Variants in TIMP3 observed in about 807,000 individuals in gnomAD.
The protein encoded by TIMP3 is metalloproteinase inhibitor 3.
A neutral mutation model predicts 30.0 loss-of-function variants in TIMP3; 11 were observed. The ratio of observed to expected loss-of-function variants is 0.37; its 90% CI spans 0.23 to 0.61. The LOEUF (loss-of-function observed/expected upper bound fraction) is 0.61. Among genes scored for constraint, TIMP3 ranks in the 20% least tolerant of loss-of-function variants. The pLI is 0.70. For missense variants in TIMP3, 181 were observed against 276.8 expected (o/e 0.65, Z 2.45); for synonymous variants, 112 against 111.3 (o/e 1.01, Z -0.04).
At chr22:32,851,478 A>ACACT (rs1294271189) in intron 2 of TIMP3, among the ~76,000 whole-genome samples, 1 of 152,066 alleles carries the variant, frequency 6.6e-6, no homozygotes, top group Non-Finnish European at 1.5e-5. Context: ...TCAGCATCAG[A>ACACT]CACTCCCACT....
At chr22:32,819,673 A>G (rs1186583821) in intron 1 of TIMP3, among the ~76,000 whole-genome samples, 2 of 152,128 alleles carry the variant, frequency 1.3e-5, no homozygotes, top group Non-Finnish European at 2.9e-5. Context: ...CTGGACAATC[A>G]AGGACCTGGA....
intron 1 of TIMP3, among the ~76,000 whole-genome samples, chr22:32,835,087 CCTATA>C (rs2047691270): frequency 6.6e-6 from 1 of 152,156 alleles, no homozygotes; most frequent in Non-Finnish European, 1.5e-5. Flanking sequence ...TGATCAAAAC[CCTATA>C]CATTCTTCTG....
At chr22:32,853,284 C>T (rs12165359) in intron 2 of TIMP3, among the ~76,000 whole-genome samples, 8,237 of 152,226 alleles carry the variant, frequency 0.054, 271 homozygotes, top group Middle Eastern at 0.085. Flanking sequence ...AGACAAATTG[C>T]TGTATAGAGA....
At chr22:32,844,707 TCTTC>T (rs1285586377) in intron 1 of TIMP3, among the ~76,000 whole-genome samples, 5 of 151,788 alleles carry the variant, frequency 3.3e-5, no homozygotes, top group Admixed American at 3.3e-4. Context: ...TGTTTCTTCT[TCTTC>T]CTTTTTTTTT....
At chr22:32,840,240 C>A (rs935644574) in intron 1 of TIMP3, among the ~76,000 whole-genome samples, 5 of 152,266 alleles carry the variant, frequency 3.3e-5, no homozygotes, top group Admixed American at 2.6e-4. Context: ...GCCAAAAAAA[C>A]CTGCTTAAAT....
chr22:32,842,632 A>G (rs1360673203), intron 1 of TIMP3, among the ~76,000 whole-genome samples: 1 of 152,244 alleles, frequency 6.6e-6, no homozygotes, highest in African/African-American at 2.4e-5. Flanking sequence ...GTACCTTTGT[A>G]CATATACATT....
chr22:32,815,997 C>T (rs1308200791), intron 1 of TIMP3, among the ~76,000 whole-genome samples: 2 of 152,162 alleles, frequency 1.3e-5, no homozygotes, highest in Non-Finnish European at 2.9e-5. Flanking sequence ...AGGAACAGAA[C>T]AGGGAGGTTT....
chr22:32,832,495 C>A (rs2047603122), intron 1 of TIMP3, among the ~76,000 whole-genome samples: 3 of 150,660 alleles, frequency 2.0e-5, no homozygotes, highest in Admixed American at 2.0e-4. Context: ...AATTCCTGGC[C>A]CAGGGCTCTT....
chr22:32,852,199 A>G (rs2048237431), intron 2 of TIMP3, among the ~76,000 whole-genome samples: 1 of 152,244 alleles, frequency 6.6e-6, no homozygotes. Flanking sequence ...TGTTAAGATT[A>G]TATGGCCACA....
In TIMP3 at chr22:32,826,449, TAAAC is replaced by T. The variant is rs536301832; in HGVS notation, c.122-22999_122-22996del. On this transcript the variant is annotated intron_variant, in intron 1 of 4. Coordinates refer to ENST00000266085, the MANE Select transcript of TIMP3 (RefSeq NM_000362.5). ...TCTCAAAAATAAATAAATAAATAAA[TAAAC>T]AAAATTTAAAAAGGTAATAATGTAA... is the stretch of plus-strand genomic sequence containing the variant. Among the ~76,000 whole-genome samples, 1,234 of 151,792 alleles carry T rather than the reference TAAAC, an allele frequency of 8.1e-3. 9 individuals carry two copies. The highest frequency in any genetic ancestry group is 0.012 in the Non-Finnish European group (784 of 67,916).
rs1433600497 is a variant in TIMP3, at chr22:32,861,469, C to A, written c.*2092C>A. The stretch of plus-strand genomic sequence containing the variant: ...TGTTTTGGGATTGTCCTTATTTTAA[C>A]CTCAAGGTCTCGCATGGTGGGGCCC... On this transcript the variant is annotated 3_prime_UTR_variant, in exon 5 of 5. Coordinates refer to ENST00000266085, the MANE Select transcript of TIMP3 (RefSeq NM_000362.5). 1 of 152,216 alleles carries A rather than the reference C, an allele frequency of 6.6e-6. No homozygotes were observed. Among genetic ancestry groups the A allele is most frequent in the African/African-American group, 2.4e-5 (1 of 41,454 alleles). The allele number at this position is 152,216 out of a possible 1,614,324, so 9.4% of individuals were successfully genotyped here. A position where few individuals can be genotyped will look rare whatever the true frequency, so the allele number is the denominator to read the frequency against.
intron 1 of TIMP3, among the ~76,000 whole-genome samples, chr22:32,805,532 A>G (rs553040785): frequency 4.9e-4 from 74 of 152,252 alleles, no homozygotes; most frequent in African/African-American, 1.8e-3. Context: ...CCATGGAAGG[A>G]GGAGAGCTGC....
Position 32,860,209 on chromosome 22 carries a change from A to T in TIMP3, c.*832A>T, listed in dbSNP as rs2048497374. On this transcript the variant is annotated 3_prime_UTR_variant, in exon 5 of 5. Coordinates refer to ENST00000266085, the MANE Select transcript of TIMP3 (RefSeq NM_000362.5). ...AATGTCTTTCCTCTCCCTGCCTCCC[A>T]CCAGACTTCCTCCTGGAAAACGCTT... is the stretch of plus-strand genomic sequence containing the variant. The T allele has an allele frequency of 6.6e-6, 1 of 152,240 alleles. No homozygotes were observed. Among genetic ancestry groups the T allele is most frequent in the Non-Finnish European group, 1.5e-5 (1 of 68,034 alleles). 9.4% of individuals were successfully genotyped at this position (152,240 alleles called of 1,614,324 possible).
intron 1 of TIMP3, among the ~76,000 whole-genome samples, chr22:32,823,167 T>TTC (rs2047301959): frequency 6.6e-6 from 1 of 152,218 alleles, no homozygotes; most frequent in Admixed American, 6.5e-5. Flanking sequence ...CTTTTGGGTC[T>TTC]AGAGCATCAT....
intron 1 of TIMP3, among the ~76,000 whole-genome samples, chr22:32,842,199 T>C (rs1194918676): frequency 2.0e-5 from 3 of 152,198 alleles, no homozygotes; most frequent in African/African-American, 7.2e-5. Context: ...ATGCCTGTTT[T>C]TCATTCCAGT....
At chr22:32,857,443 T>C (rs1257986237) in intron 3 of TIMP3, 83 bp downstream of exon 3, 7 of 1,018,394 alleles carry the variant, frequency 6.9e-6, no homozygotes, top group East Asian at 2.4e-5. Flanking sequence ...TACGGAGTAG[T>C]TGACTCACCA....
intron 1 of TIMP3, among the ~76,000 whole-genome samples, chr22:32,820,802 T>G (rs1231918154): frequency 6.6e-6 from 1 of 152,182 alleles, no homozygotes; most frequent in East Asian, 1.9e-4. Flanking sequence ...CAGATGTGGG[T>G]TCTTGGAAGG....
chr22:32,843,226 C>T (rs956901511), intron 1 of TIMP3, among the ~76,000 whole-genome samples: 5 of 152,220 alleles, frequency 3.3e-5, no homozygotes, highest in African/African-American at 1.2e-4. Context: ...AGAACATGCA[C>T]ACGTTGCTTG....
At chr22:32,808,054 G>A (rs1474408450) in intron 1 of TIMP3, among the ~76,000 whole-genome samples, 5 of 152,170 alleles carry the variant, frequency 3.3e-5, no homozygotes, top group Non-Finnish European at 7.3e-5. Flanking sequence ...TATTTTCATA[G>A]GGAGAGGAAG....
Sources: gnomAD v4.1 joint callset for allele counts (sites outside exome capture counted in the v4.1 genomes callset) on GRCh38, gnomAD v4.1.1 for gene constraint, MANE v1.5 for transcripts, NCBI Gene and HGNC (gene_info 2026-07-23, HGNC 2026-07-21) for gene names.